The following NFIB variants were observed in gnomAD, a reference collection of about 807,000 sequenced individuals.
NFIB encodes the protein nuclear factor 1 B-type.
Under a neutral mutation model 61.5 loss-of-function variants are expected in NFIB, and 11 were observed. That is an observed-to-expected ratio of 0.18 (90% CI 0.11 to 0.30). The LOEUF (loss-of-function observed/expected upper bound fraction) is 0.30, where lower values mean the gene tolerates loss of function less well. NFIB is among the 10% of genes least tolerant of loss of function. The probability of loss-of-function intolerance (pLI) is 1.00; values close to 1 mark genes in which losing one functional copy is unlikely to be tolerated. For synonymous variants in NFIB, 260 were observed against 216.5 expected, an observed-to-expected ratio of 1.20 and a Z score of -1.76; for missense variants, 471 against 608.9, an observed-to-expected ratio of 0.77 and a Z score of 2.38.
chr9:14,292,885 G>A (rs2059193316), intron 2 of NFIB, among the ~76,000 whole-genome samples: 1 of 151,996 alleles, frequency 6.6e-6, no homozygotes, highest in Non-Finnish European at 1.5e-5. Context: ...TCCATACGCA[G>A]ATATGTCTTC....
the NFIB span, among the ~76,000 whole-genome samples, chr9:14,514,176 T>G: frequency 6.6e-6 from 1 of 152,196 alleles, no homozygotes; most frequent in Non-Finnish European, 1.5e-5. Flanking sequence ...CACATTTCTG[T>G]TTGTTTTCAG....
the NFIB span, among the ~76,000 whole-genome samples, chr9:14,428,715 T>C: frequency 6.6e-6 from 1 of 152,208 alleles, no homozygotes; most frequent in Non-Finnish European, 1.5e-5. Flanking sequence ...ATACAGTATA[T>C]TCTTTTAAAA....
chr9:14,480,653 T>C, the NFIB span, among the ~76,000 whole-genome samples: 31 of 152,240 alleles, frequency 2.0e-4, 1 homozygote, highest in South Asian at 6.0e-3. Flanking sequence ...AATGTAGCCG[T>C]TGAAACAAGT....
At chr9:14,125,881 T>C in intron 6 of NFIB, 115 bp from the exon 7 acceptor site, 1 of 1,364,108 alleles carries the variant, frequency 7.3e-7, no homozygotes, top group South Asian at 1.5e-5. Context: ...ACTTTGGCTC[T>C]TTTACAAAAT....
At chr9:14,465,572 T>TACACACACACACACACAC in the NFIB span, among the ~76,000 whole-genome samples, 143 of 146,304 alleles carry the variant, frequency 9.8e-4, no homozygotes, top group African/African-American at 2.8e-3. Context: ...AATGACTTGT[T>TACACACACACACACACAC]ACACACACAC....
the NFIB span, among the ~76,000 whole-genome samples, chr9:14,494,815 C>A: frequency 1.3e-5 from 2 of 152,156 alleles, no homozygotes; most frequent in East Asian, 3.9e-4. Flanking sequence ...ACTGGCCACT[C>A]TCAATTGCCT....
chr9:14,160,831 C>CAAAAAAAAA (rs36063048), intron 3 of NFIB, among the ~76,000 whole-genome samples: 6 of 96,322 alleles, frequency 6.2e-5, no homozygotes, highest in African/African-American at 8.3e-5. Flanking sequence ...AAGGAAATCT[C>CAAAAAAAAA]AAAAAAAAAA....
At chr9:14,381,892 C>T (rs189470886) in intron 1 of NFIB, among the ~76,000 whole-genome samples, 6 of 152,330 alleles carry the variant, frequency 3.9e-5, no homozygotes, top group African/African-American at 1.4e-4. Flanking sequence ...GTTTTGAGTG[C>T]TCCTAATTCA....
chr9:14,228,369 C>G (rs1037804117), intron 2 of NFIB, among the ~76,000 whole-genome samples: 21 of 151,768 alleles, frequency 1.4e-4, no homozygotes, highest in African/African-American at 5.1e-4. Context: ...TAATTTTTTG[C>G]ATGTTTAGTA....
the NFIB span, among the ~76,000 whole-genome samples, chr9:14,504,547 C>T: frequency 5.3e-4 from 81 of 152,058 alleles, 1 homozygote; most frequent in Admixed American, 1.6e-3. Flanking sequence ...CTTTTACCTC[C>T]TTGGTTAGCT....
At chr9:14,258,656 GAAAT>G (rs1402177072) in intron 2 of NFIB, among the ~76,000 whole-genome samples, 1 of 152,158 alleles carries the variant, frequency 6.6e-6, no homozygotes, top group African/African-American at 2.4e-5. Flanking sequence ...ACTACTCTGA[GAAAT>G]AATCCCATTA....
chr9:14,244,754 T>C (rs1322987), intron 2 of NFIB, among the ~76,000 whole-genome samples: 44,435 of 152,058 alleles, frequency 0.29, 7,428 homozygotes, highest in Middle Eastern at 0.47. Flanking sequence ...AGAAAAAACA[T>C]TGAGCAAAAT....
chr9:14,370,221 C>T (rs534262986), intron 1 of NFIB, among the ~76,000 whole-genome samples: 3 of 152,282 alleles, frequency 2.0e-5, no homozygotes, highest in Non-Finnish European at 2.9e-5. Context: ...TTACCCCCAT[C>T]GGACTCAAGG....
the NFIB span, among the ~76,000 whole-genome samples, chr9:14,495,222 A>G: frequency 6.6e-6 from 1 of 152,054 alleles, no homozygotes; most frequent in Non-Finnish European, 1.5e-5. Context: ...TCACACGTAG[A>G]CCTCATCTGA....
chr9:14,304,034 CAA>C (rs1335923380), intron 2 of NFIB, among the ~76,000 whole-genome samples: 1 of 152,184 alleles, frequency 6.6e-6, no homozygotes, highest in African/African-American at 2.4e-5. Flanking sequence ...AGCCGAATAA[CAA>C]AGAGATTTAG....
chr9:14,527,437 T>C, the NFIB span, among the ~76,000 whole-genome samples: 1 of 152,196 alleles, frequency 6.6e-6, no homozygotes, highest in African/African-American at 2.4e-5. Context: ...ACTGAAAAGA[T>C]GTACTAATTA....
At chr9:14,194,356 T>C (rs530418125) in intron 2 of NFIB, among the ~76,000 whole-genome samples, 9 of 152,132 alleles carry the variant, frequency 5.9e-5, no homozygotes, top group Non-Finnish European at 1.2e-4. Context: ...AGCAGACATA[T>C]TGCACAGACA....
At chr9:14,364,005 T>G (rs1241972885) in intron 1 of NFIB, among the ~76,000 whole-genome samples, 1 of 152,218 alleles carries the variant, frequency 6.6e-6, no homozygotes, top group Non-Finnish European at 1.5e-5. Flanking sequence ...CAAATATTCT[T>G]GCAAACATCA....
chr9:14,171,835 G>A (rs1010496251), intron 3 of NFIB, among the ~76,000 whole-genome samples: 7 of 152,162 alleles, frequency 4.6e-5, no homozygotes. Context: ...AAATCATTAG[G>A]AGAGAGAGGT....
Sources: allele counts gnomAD v4.1 joint callset (sites outside exome capture counted in the v4.1 genomes callset), GRCh38; gene constraint gnomAD v4.1.1; transcripts MANE v1.5; gene names NCBI Gene and HGNC (gene_info 2026-07-23, HGNC 2026-07-21).